Variants in CAMTA1 observed in about 807,000 individuals in gnomAD.
CAMTA1 encodes the protein calmodulin binding transcription activator 1.
A neutral mutation model predicts 170.9 loss-of-function variants in CAMTA1; 27 were observed. That is an observed-to-expected ratio of 0.16 (90% CI 0.12 to 0.22). The LOEUF (loss-of-function observed/expected upper bound fraction) is 0.22. CAMTA1 is among the 10% of genes least tolerant of loss of function. The probability of loss-of-function intolerance (pLI) is 1.00; values close to 1 mark genes in which losing one functional copy is unlikely to be tolerated. For missense variants in CAMTA1, 1,619 were observed against 2,217.2 expected, an observed-to-expected ratio of 0.73 and a Z score of 5.42; for synonymous variants, 833 against 891.5, an observed-to-expected ratio of 0.93 and a Z score of 1.17.
chr1:7,321,525 A>G (rs1382451149), intron 5 of CAMTA1, among the ~76,000 whole-genome samples: 2 of 152,178 alleles, frequency 1.3e-5, no homozygotes, highest in African/African-American at 4.8e-5. Context: ...CCTGTGGAAC[A>G]TGCTCATCCC....
chr1:7,385,199 C>T (rs1401244792), intron 5 of CAMTA1, among the ~76,000 whole-genome samples: 2 of 151,564 alleles, frequency 1.3e-5, no homozygotes, highest in Non-Finnish European at 2.9e-5. Flanking sequence ...AAACTATTCT[C>T]CTGCCTCAGC....
intron 3 of CAMTA1, among the ~76,000 whole-genome samples, chr1:6,990,550 A>C (rs1696181819): frequency 6.6e-6 from 1 of 152,166 alleles, no homozygotes; most frequent in Admixed American, 6.5e-5. Flanking sequence ...ACAGTGAAAC[A>C]CACAATCTTA....
At chr1:6,809,859 T>G (rs1644967155) in intron 1 of CAMTA1, among the ~76,000 whole-genome samples, 2 of 152,074 alleles carry the variant, frequency 1.3e-5, no homozygotes, top group African/African-American at 4.8e-5. Context: ...TTGAGTAGAC[T>G]GAAGACTAAG....
intron 3 of CAMTA1, among the ~76,000 whole-genome samples, chr1:6,829,522 G>A (rs571329383): frequency 6.6e-6 from 1 of 152,332 alleles, no homozygotes; most frequent in African/African-American, 2.4e-5. Context: ...AGGTGATGAT[G>A]GCTGCACTAA....
intron 4 of CAMTA1, among the ~76,000 whole-genome samples, chr1:7,103,558 CAT>C (rs916780604): frequency 1.3e-3 from 39 of 29,832 alleles, no homozygotes; most frequent in African/African-American, 6.7e-3. Flanking sequence ...ACACTACACA[CAT>C]ACACACAACA....
At chr1:7,695,549 A>G (rs1275627218) in intron 11 of CAMTA1, among the ~76,000 whole-genome samples, 3 of 152,150 alleles carry the variant, frequency 2.0e-5, no homozygotes, top group East Asian at 1.9e-4. Flanking sequence ...AGCACGATCC[A>G]TGGTATTTCA....
In CAMTA1 at chr1:7,737,297, C is replaced by T; in HGVS notation, c.3385C>T (p.Leu1129=). Residue 1129 remains leucine, a synonymous_variant, in exon 15 of 23, where the codon CTG becomes TTG. Coordinates refer to ENST00000303635, the MANE Select transcript of CAMTA1 (RefSeq NM_015215.4). ...ALGHLEAAVV[L]YKWDRRAISI... is the part of the protein sequence containing the mutation. ...AGGGCACTTGGAAGCTGCCGTCGTG[C>T]TGTACAAGTGGGACCGTCGGGCCAT... The T allele has an allele frequency of 1.2e-6, 2 of 1,614,146 alleles. No homozygotes were observed. Among genetic ancestry groups the T allele is most frequent in the East Asian group, 2.2e-5 (1 of 44,888 alleles).
At chr1:7,696,578 GTACTTTTCTGATTAAAATGCCCA>G (rs1221789940) in intron 11 of CAMTA1, among the ~76,000 whole-genome samples, 2 of 151,834 alleles carry the variant, frequency 1.3e-5, no homozygotes, top group Admixed American at 1.3e-4. Flanking sequence ...TTTTTTGAGA[GTACTTTTCTGATTAAAATGCCCA>G]TTTACCACTG....
rs749163108 is a variant in CAMTA1, at chr1:6,926,488, C to CTT, written c.234+101279_234+101280insTT. 4.4e-3 allele frequency among the ~76,000 whole-genome samples: 559 copies of CTT among 125,684 alleles called. 1 individual carries two copies. Among genetic ancestry groups the CTT allele is most frequent in the Non-Finnish European group, 6.9e-3 (408 of 59,378 alleles). 82.5% of individuals were successfully genotyped at this position (125,684 alleles called of 152,430 possible). A position where few individuals can be genotyped will look rare whatever the true frequency, so the allele number is the denominator to read the frequency against. On this transcript the variant is annotated intron_variant, in intron 3 of 22. Transcript: ENST00000303635. ...TCTTTCTTTCTTTCTTTCTTTCTTT[C>CTT]TCTCTCTCTTTTCTTCCTTCCTTCC...
intron 3 of CAMTA1, among the ~76,000 whole-genome samples, chr1:7,081,755 G>A (rs1572903816): frequency 6.6e-6 from 1 of 152,360 alleles, no homozygotes; most frequent in African/African-American, 2.4e-5. Context: ...CCAAGCAGTG[G>A]TTGCTGTGCA....
chr1:7,287,774 T>C (rs1672556840), intron 5 of CAMTA1, among the ~76,000 whole-genome samples: 1 of 152,186 alleles, frequency 6.6e-6, no homozygotes, highest in African/African-American at 2.4e-5. Flanking sequence ...AGGTGGTGAC[T>C]CAGGGATCCT....
chr1:7,720,571 G>A (rs902646825), intron 11 of CAMTA1, among the ~76,000 whole-genome samples: 4 of 152,088 alleles, frequency 2.6e-5, no homozygotes, highest in African/African-American at 9.7e-5. Flanking sequence ...TAGTAGAGAC[G>A]GGGTTCACCA....
In CAMTA1 at chr1:7,330,963, C is replaced by T. The variant is rs531612984; in HGVS notation, c.438+81337C>T. Among the ~76,000 whole-genome samples the T allele has an allele frequency of 1.7e-4, 26 of 152,206 alleles. No homozygotes were observed. In the South Asian group the frequency reaches 4.6e-3, roughly 27 times the overall value. On this transcript the variant is annotated intron_variant, in intron 5 of 22. Coordinates refer to ENST00000303635, the MANE Select transcript of CAMTA1 (RefSeq NM_015215.4). ...TGTGTTTGGTTCATGGGGTTAGAGT[C>T]GGGTACAGTGGCTCATGCCTGTAAT...
intron 4 of CAMTA1, among the ~76,000 whole-genome samples, chr1:7,117,536 T>C (rs1177265520): frequency 6.6e-6 from 1 of 152,122 alleles, no homozygotes; most frequent in East Asian, 1.9e-4. Flanking sequence ...ACTCCTGCCA[T>C]GGATGACTTC....
intron 3 of CAMTA1, among the ~76,000 whole-genome samples, chr1:6,921,385 A>AT (rs1454569789): frequency 1.3e-5 from 2 of 152,146 alleles, no homozygotes; most frequent in Non-Finnish European, 2.9e-5. Context: ...ATCATTAAGC[A>AT]TTTTTTGTCA....
At chr1:6,987,683 T>G (rs973960457) in intron 3 of CAMTA1, among the ~76,000 whole-genome samples, 13 of 152,226 alleles carry the variant, frequency 8.5e-5, no homozygotes, top group Non-Finnish European at 1.3e-4. Flanking sequence ...TTACTTTTTC[T>G]TTCTGTCTTT....
At chr1:6,843,950 G>A (rs1363763189) in intron 3 of CAMTA1, among the ~76,000 whole-genome samples, 1 of 152,314 alleles carries the variant, frequency 6.6e-6, no homozygotes, top group Non-Finnish European at 1.5e-5. Context: ...ATCTACATTA[G>A]TTTAACCACT....
At chr1:7,213,523 G>A (rs770573197) in intron 4 of CAMTA1, among the ~76,000 whole-genome samples, 6 of 151,832 alleles carry the variant, frequency 4.0e-5, no homozygotes, top group Non-Finnish European at 7.4e-5. Context: ...TTTCTGAGAG[G>A]TGGTTTGCAA....
At chr1:7,356,013 G>A (rs1198724897) in intron 5 of CAMTA1, among the ~76,000 whole-genome samples, 1 of 152,256 alleles carries the variant, frequency 6.6e-6, no homozygotes, top group Non-Finnish European at 1.5e-5. Flanking sequence ...GGAACAGAAA[G>A]GTTCACCAAC....
Sources: allele counts gnomAD v4.1 joint callset (sites outside exome capture counted in the v4.1 genomes callset), GRCh38; gene constraint gnomAD v4.1.1; transcripts MANE v1.5; gene names NCBI Gene and HGNC (gene_info 2026-07-23, HGNC 2026-07-21).